Variants in ENO1 observed in about 807,000 individuals in gnomAD.
ENO1 encodes the protein enolase 1.
ENO1 carries 33 observed loss-of-function variants against 46.3 expected under a neutral mutation model. That is an observed-to-expected ratio of 0.71 (90% confidence interval 0.54 to 0.95). The LOEUF (loss-of-function observed/expected upper bound fraction) is 0.95, where lower values mean the gene tolerates loss of function less well. ENO1 is among the 40% of genes least tolerant of loss of function. ENO1 has a pLI of 0.00. For synonymous variants in ENO1, 220 were observed against 216.0 expected (o/e 1.02, Z -0.16); for missense variants, 488 against 553.3 (o/e 0.88, Z 1.18).
chr1:8,863,217 G>A lies in ENO1; in HGVS notation c.1176+18C>T. On this transcript the variant is annotated intron_variant, in intron 10 of 11. Transcript: ENST00000234590. ...GAAGTTGAGGTCAGAGAAGAAAGGA[G>A]GAGACGCTCATTCTTACCTGCCCAG... 1 of 1,612,728 alleles carries A rather than the reference G, an allele frequency of 6.2e-7. No homozygotes were observed. Among genetic ancestry groups the A allele is most frequent in the Non-Finnish European group, 8.5e-7 (1 of 1,178,982 alleles).
intron 2 of ENO1, 136 bp downstream of exon 2, chr1:8,874,688 A>C (rs1010626866): frequency 8.3e-6 from 5 of 603,682 alleles, no homozygotes; most frequent in Middle Eastern, 4.9e-4. Flanking sequence ...GTCAGGAATC[A>C]CAACCTACTA....
rs1191150734 is a variant in ENO1 at position 8,878,588 on chromosome 1, T to G, written c.-18A>C. 1 of 456,036 alleles carries G rather than the reference T, an allele frequency of 2.2e-6. No homozygotes were observed. The highest frequency in any genetic ancestry group is 7.0e-5 in the East Asian group (1 of 14,372). The allele number at this position is 456,036 out of a possible 1,614,324, so 28.2% of individuals were successfully genotyped here. A position where few individuals can be genotyped will look rare whatever the true frequency, so the allele number is the denominator to read the frequency against. ...CCTTCCCCAATCATTACCTAGCCAC[T>G]GGGTCTCGTCGCCTAGGAGAGGAAG... On this transcript the variant is annotated 5_prime_UTR_variant, in exon 1 of 12. Coordinates refer to ENST00000234590, the MANE Select transcript of ENO1 (RefSeq NM_001428.5).
chr1:8,877,378 G>A (rs1642756948), intron 1 of ENO1: 1 of 152,136 alleles, frequency 6.6e-6, no homozygotes, highest in African/African-American at 2.4e-5. Flanking sequence ...ACAGGCGTGA[G>A]CCACCGCGCC....
intron 1 of ENO1, among the ~76,000 whole-genome samples, chr1:8,877,335 A>C (rs1642756318): frequency 6.7e-6 from 1 of 148,496 alleles, no homozygotes; most frequent in Admixed American, 6.7e-5. Flanking sequence ...GATCCTGAGG[A>C]GGCCCACCTC....
intron 3 of ENO1, chr1:8,870,711 G>C (rs1295905552): frequency 3.5e-6 from 5 of 1,438,122 alleles, no homozygotes; most frequent in Non-Finnish European, 4.5e-6. Context: ...GGACCCCAGA[G>C]GGTTAGAGCC....
chr1:8,871,522 A>C (rs1330218728), intron 3 of ENO1: 1 of 1,033,230 alleles, frequency 9.7e-7, no homozygotes, highest in Non-Finnish European at 1.2e-6. Flanking sequence ...GAGGCTGATG[A>C]TCTCTGGAGG....
intron 1 of ENO1, 121 bp downstream of exon 1, chr1:8,878,459 C>T (rs1401124099): frequency 5.5e-6 from 2 of 365,220 alleles, no homozygotes; most frequent in Admixed American, 3.3e-5. Context: ...CTTGCACGTG[C>T]CCCCGACCCC....
chr1:8,868,595 T>C (rs1005796026), intron 4 of ENO1, among the ~76,000 whole-genome samples: 3 of 152,228 alleles, frequency 2.0e-5, no homozygotes, highest in African/African-American at 4.8e-5. Context: ...TGGATCAAAA[T>C]GAATTTTTGA....
chr1:8,870,580 G>C, intron 3 of ENO1, 70 bp from the exon 4 acceptor site: 1 of 1,606,722 alleles, frequency 6.2e-7, no homozygotes, highest in Non-Finnish European at 8.5e-7. Flanking sequence ...TTGTTAGAGA[G>C]AACCACTGTT....
intron 3 of ENO1, 94 bp from the exon 4 acceptor site, chr1:8,870,604 A>G: frequency 1.3e-6 from 2 of 1,572,480 alleles, no homozygotes; most frequent in South Asian, 1.1e-5. Context: ...GCCGACGCGG[A>G]AGCCCACCAA....
At chr1:8,869,147 T>G (rs1642580929) in intron 4 of ENO1, among the ~76,000 whole-genome samples, 1 of 152,182 alleles carries the variant, frequency 6.6e-6, no homozygotes, top group South Asian at 2.1e-4. Flanking sequence ...AAGGCATCAC[T>G]GCAACAGGCA....
chr1:8,867,299 G>A (rs1245426915), intron 5 of ENO1, 49 bp from the exon 6 acceptor site: 1 of 1,607,424 alleles, frequency 6.2e-7, no homozygotes, highest in Non-Finnish European at 8.5e-7. Flanking sequence ...TGATTCACCA[G>A]CTTTTCTCCT....
At position 8,864,082 on chromosome 1, in the gene ENO1, G is replaced by T; in HGVS notation, c.876C>A (p.Ile292=). 1.9e-6 allele frequency: 3 copies of T among 1,614,006 alleles called. No homozygotes were observed. Among genetic ancestry groups the T allele is most frequent in the Non-Finnish European group, 2.5e-6 (3 of 1,180,012 alleles). ...SFIKDYPVVS[I]EDPFDQDDWG... ...AGTCATCCTGGTCAAAGGGATCTTC[G>T]ATAGACACCACTAAGGAAAGGAGGG... is the stretch of plus-strand genomic sequence containing the variant. The change falls in exon 9 of 12, where the codon ATC becomes ATA. Residue 292 remains isoleucine (I), a synonymous_variant. Coordinates refer to ENST00000234590, the MANE Select transcript of ENO1 (RefSeq NM_001428.5).
chr1:8,866,197 A>G (rs1433687311), intron 7 of ENO1, 82 bp downstream of exon 7: 2 of 1,201,862 alleles, frequency 1.7e-6, no homozygotes, highest in East Asian at 2.4e-5. Flanking sequence ...AGATTTCCAC[A>G]GTGGCAGGTG....
chr1:8,868,926 C>G (rs896265477), intron 4 of ENO1, among the ~76,000 whole-genome samples: 3 of 152,154 alleles, frequency 2.0e-5, no homozygotes, highest in African/African-American at 7.2e-5. Flanking sequence ...ATCTGCCCAC[C>G]TCAGCCTCCT....
At chr1:8,867,304 T>C in intron 5 of ENO1, 54 bp from the exon 6 acceptor site, 1 of 1,606,516 alleles carries the variant, frequency 6.2e-7, no homozygotes, top group Non-Finnish European at 8.5e-7. Flanking sequence ...CACCAGCTTT[T>C]CTCCTGCTGT....
chr1:8,865,307 C>T lies in ENO1; in HGVS notation c.843G>A (p.Lys281=). 6.2e-7 allele frequency: 1 copy of T among 1,614,144 alleles called. No homozygotes were observed. The highest frequency in any genetic ancestry group is 8.5e-7 in the Non-Finnish European group (1 of 1,180,014). Residue 281 remains lysine, a synonymous_variant, in exon 8 of 12, where the codon AAG becomes AAA. Coordinates refer to ENST00000234590, the MANE Select transcript of ENO1 (RefSeq NM_001428.5). ...CACCTGGGTAGTCCTTGATGAAGGACTTGTACAGGTCAGCCAGCTGGTCAG... is the reference window on the plus strand; with the variant it reads ...CACCTGGGTAGTCCTTGATGAAGGATTTGTACAGGTCAGCCAGCTGGTCAG... ...ISPDQLADLY[K]SFIKDYPVVS...
At chr1:8,872,226 G>C (rs962653531) in intron 2 of ENO1, among the ~76,000 whole-genome samples, 12 of 152,192 alleles carry the variant, frequency 7.9e-5, no homozygotes, top group Non-Finnish European at 1.8e-4. Context: ...TTCTACAGCA[G>C]AGCCTACATG....
In ENO1 at chr1:8,878,615, G is replaced by A. The variant is rs11544506; in HGVS notation, c.-45C>T. On this transcript the variant is annotated 5_prime_UTR_variant, in exon 1 of 12. Transcript: ENST00000234590. The stretch of plus-strand genomic sequence containing the variant: ...GGTCTCGTCGCCTAGGAGAGGAAGC[G>A]GAGGGTGCTGCAGACACCGAGGTGA... 2.2e-6 allele frequency: 1 copy of A among 456,078 alleles called. No homozygotes were observed. Among genetic ancestry groups the A allele is most frequent in the South Asian group, 1.5e-5 (1 of 64,566 alleles). 28.3% of individuals were successfully genotyped at this position (456,078 alleles called of 1,614,324 possible). A position where few individuals can be genotyped will look rare whatever the true frequency, so the allele number is the denominator to read the frequency against.
Sources: allele counts gnomAD v4.1 joint callset (sites outside exome capture counted in the v4.1 genomes callset), GRCh38; gene constraint gnomAD v4.1.1; transcripts MANE v1.5; gene names NCBI Gene and HGNC (gene_info 2026-07-23, HGNC 2026-07-21).